Variants in PCDH12 observed in about 807,000 individuals in gnomAD.
The protein encoded by PCDH12 is protocadherin 12, also known as protocadherin-12.
PCDH12 carries 45 observed loss-of-function variants against 70.9 expected under a neutral mutation model. The observed-to-expected ratio is 0.63, with a 90% confidence interval of 0.50 to 0.81. The LOEUF (loss-of-function observed/expected upper bound fraction) is 0.81. Among genes scored for constraint, PCDH12 ranks in the 40% least tolerant of loss-of-function variants. The pLI is 0.00. For missense variants in PCDH12, 1,370 were observed against 1,491.7 expected (o/e 0.92, Z 1.34); for synonymous variants, 567 against 626.0 (o/e 0.91, Z 1.41).
In PCDH12 at chr5:141,943,623, C is replaced by T. The variant is rs1395856405; in HGVS notation, c.*1758G>A. The T allele has an allele frequency of 1.3e-5, 2 of 152,202 alleles. No homozygotes were observed. Among genetic ancestry groups the T allele is most frequent in the Non-Finnish European group, 2.9e-5 (2 of 68,042 alleles). The allele number at this position is 152,202 out of a possible 1,614,324, so 9.4% of individuals were successfully genotyped here. Reference sequence around the variant, plus strand: ...TGAAGCATTTATTGACACATTTATTCATTCATACATCCATTCAACAGCTAT... The same window carrying T: ...TGAAGCATTTATTGACACATTTATTTATTCATACATCCATTCAACAGCTAT... On this transcript the variant is annotated 3_prime_UTR_variant, in exon 4 of 4. Coordinates refer to ENST00000231484, the MANE Select transcript of PCDH12 (RefSeq NM_016580.4).
chr5:141,952,471 AG>A (rs1450501472), intron 1 of PCDH12: 1 of 152,250 alleles, frequency 6.6e-6, no homozygotes, highest in Non-Finnish European at 1.5e-5. Context: ...GGTCTGGGCA[AG>A]GGGTGGGGAG....
chr5:141,956,265 G>A lies in PCDH12; in HGVS notation c.1587C>T (p.Ala529=), dbSNP rs534866419. The stretch of plus-strand genomic sequence containing the variant: ...CTGCGATCACCTGGAACTCAAAGCC[G>A]GCCATCTCTTCATAGTTCAGTGACC... ...AQRSLNYEEM[A]GFEFQVIAED... Residue 529 remains alanine (A), a synonymous_variant, in exon 1 of 4, where the codon GCC becomes GCT. Transcript: ENST00000231484. 1.4e-5 allele frequency: 22 copies of A among 1,614,196 alleles called. No individual in the cohort carries two copies. Among genetic ancestry groups the A allele is most frequent in the East Asian group, 2.2e-5 (1 of 44,888 alleles).
In PCDH12 at chr5:141,957,106, A is replaced by G; in HGVS notation, c.746T>C (p.Leu249Pro). ...AGCATCTTCTTGGATTTCCAGTGCC[A>G]GTGAACTCTCAGCAAACGCAGGGCT... ...DNSPAFAESS[L>P]ALEIQEDAAP... is the part of the protein sequence containing the mutation. The change falls in exon 1 of 4, where the codon CTG (leucine) becomes CCG (proline). Residue 249 changes from leucine (L) to proline (P), a missense_variant. Leu to Pro is a moderately conservative substitution (Grantham distance 98). Transcript: ENST00000231484. The surrounding 1 kb of genome is among the most constrained non-coding windows in gnomAD (Gnocchi z 4.3). The G allele has an allele frequency of 1.9e-6, 3 of 1,614,176 alleles. No homozygotes were observed. Among genetic ancestry groups the G allele is most frequent in the Non-Finnish European group, 2.5e-6 (3 of 1,180,024 alleles).
Position 141,945,810 on chromosome 5 carries a change from G to C in PCDH12, c.3131-5C>G, listed in dbSNP as rs1039944487. On this transcript the variant is annotated splice_region_variant and splice_polypyrimidine_tract_variant and intron_variant, in intron 3 of 3. Transcript: ENST00000231484. ...TCAGCCGGTCCAGGGCCAGACCTGT[G>C]GGGGAAGGAGGGGACACAGTGAGGG... 1 of 1,607,450 alleles carries C rather than the reference G, an allele frequency of 6.2e-7. No individual in the cohort carries two copies. The highest frequency in any genetic ancestry group is 8.5e-7 in the Non-Finnish European group (1 of 1,176,930).
intron 3 of PCDH12, among the ~76,000 whole-genome samples, chr5:141,946,402 C>T (rs1284970386): frequency 6.6e-6 from 1 of 152,220 alleles, no homozygotes; most frequent in African/African-American, 2.4e-5. Flanking sequence ...GAAGTTAAGT[C>T]ACACATCTGC....
Position 141,955,847 on chromosome 5 carries a change from T to C in PCDH12, c.2005A>G (p.Ser669Gly), listed in dbSNP as rs746077489. Residue 669 changes from serine to glycine, a missense_variant, in exon 1 of 4, where the codon AGT becomes GGT. By Grantham distance (56) the Ser-to-Gly change is moderately conservative. Coordinates refer to ENST00000231484, the MANE Select transcript of PCDH12 (RefSeq NM_016580.4). The surrounding 1 kb of genome is among the most constrained non-coding windows in gnomAD (Gnocchi z 5.5). Reference protein sequence around the residue: ...NVTNASSLIGSEWELEIVVED... With the variant: ...NVTNASSLIGGEWELEIVVED... ...ACTACTATCTCCAGCTCCCACTCACTCCCAATGAGGCTGCTGGCATTGGTG... is the reference window on the plus strand; with the variant it reads ...ACTACTATCTCCAGCTCCCACTCACCCCCAATGAGGCTGCTGGCATTGGTG... 1.9e-6 allele frequency: 3 copies of C among 1,614,020 alleles called. No individual in the cohort carries two copies. The highest frequency in any genetic ancestry group is 2.2e-5 in the South Asian group (2 of 91,068).
intron 2 of PCDH12, among the ~76,000 whole-genome samples, chr5:141,950,944 G>T: frequency 6.6e-6 from 1 of 152,172 alleles, no homozygotes; most frequent in East Asian, 1.9e-4. Flanking sequence ...GGGAAACCAA[G>T]GTCCTGAGAG....
At position 141,957,402 on chromosome 5, in the gene PCDH12, C is replaced by T. The variant is rs139850255; in HGVS notation, c.450G>A (p.Leu150=). 428 of 1,613,268 alleles carry T rather than the reference C, an allele frequency of 2.7e-4. No individual in the cohort carries two copies. The highest frequency in any genetic ancestry group is 3.5e-4 in the Non-Finnish European group (408 of 1,179,684). ...QELEISESAS[L]RTRIPLDRAL... Reference sequence around the variant, plus strand: ...CTCTGTCCAGGGGGATCCGGGTTCGCAGAGAGGCGCTCTCAGAGATTTCCA... The same window carrying T: ...CTCTGTCCAGGGGGATCCGGGTTCGTAGAGAGGCGCTCTCAGAGATTTCCA... Residue 150 remains leucine (L), a synonymous_variant, in exon 1 of 4, where the codon CTG becomes CTA. Transcript: ENST00000231484. This position sits in a 1 kb window ranked among gnomAD's most constrained non-coding sequence, Gnocchi z 4.3.
chr5:141,953,813 C>T (rs1753129455), intron 1 of PCDH12, among the ~76,000 whole-genome samples: 1 of 152,222 alleles, frequency 6.6e-6, no homozygotes, highest in South Asian at 2.1e-4. Flanking sequence ...GGGCCATCTC[C>T]AGGTGGCTTC....
At chr5:141,951,128 A>G (rs1753072481) in intron 2 of PCDH12, among the ~76,000 whole-genome samples, 2 of 152,180 alleles carry the variant, frequency 1.3e-5, no homozygotes, top group South Asian at 4.1e-4. Flanking sequence ...GAGCCTTCAT[A>G]TTATGTTTAT....
chr5:141,955,406 AG>A lies in PCDH12; in HGVS notation c.2445del (p.Phe816SerfsTer48). ...EAGWDPCLQA[P>X]FHLTPTLYRT... is the part of the protein sequence containing the mutation. ...CTGTACAGGGTCGGGGTGAGGTGGA[AG>A]GGGGCCTGCAGGCAGGGGTCCCAGC... On this transcript the variant is annotated frameshift_variant, in exon 1 of 4. Transcript: ENST00000231484. LOFTEE classifies it high-confidence loss of function. This position sits in a 1 kb window ranked among gnomAD's most constrained non-coding sequence, Gnocchi z 5.5. 6.2e-7 allele frequency: 1 copy of A among 1,613,900 alleles called. No homozygotes were observed.
Position 141,955,815 on chromosome 5 carries a change from G to C in PCDH12, c.2037C>G (p.Asp679Glu). ...GGGTCTGTAAGGGGGGGCTTCCCTG[G>C]TCCTCTACTACTATCTCCAGCTCCC... ...SEWELEIVVEDQGSPPLQTRA... is the reference protein window; with the variant it reads ...SEWELEIVVEEQGSPPLQTRA... The change falls in exon 1 of 4, where the codon GAC becomes GAG. Residue 679 changes from aspartate to glutamate, a missense_variant. Transcript: ENST00000231484. This position sits in a 1 kb window ranked among gnomAD's most constrained non-coding sequence, Gnocchi z 5.5. 1 of 1,613,916 alleles carries C rather than the reference G, an allele frequency of 6.2e-7. No individual in the cohort carries two copies. The highest frequency in any genetic ancestry group is 8.5e-7 in the Non-Finnish European group (1 of 1,179,938).
rs574704551 is a variant in PCDH12, at chr5:141,957,968, C to T, written c.-117G>A. 92 of 1,191,510 alleles carry T rather than the reference C, an allele frequency of 7.7e-5. No individual in the cohort carries two copies. Among genetic ancestry groups the T allele is most frequent in the Middle Eastern group, 7.6e-4 (3 of 3,956 alleles). The allele number at this position is 1,191,510 out of a possible 1,614,324, so 73.8% of individuals were successfully genotyped here. On this transcript the variant is annotated 5_prime_UTR_variant, in exon 1 of 4. Coordinates refer to ENST00000231484, the MANE Select transcript of PCDH12 (RefSeq NM_016580.4). This position sits in a 1 kb window ranked among gnomAD's most constrained non-coding sequence, Gnocchi z 4.3. The stretch of plus-strand genomic sequence containing the variant: ...CCCGTGCTCCTTCCCCCAGAGCTGC[C>T]GGCACAACCTTGTCCCATAGTTAGA...
chr5:141,946,315 TATTTC>T (rs1201972753), intron 3 of PCDH12, among the ~76,000 whole-genome samples: 1 of 152,202 alleles, frequency 6.6e-6, no homozygotes, highest in Non-Finnish European at 1.5e-5. Flanking sequence ...TTTACATAAT[TATTTC>T]ATTTAACTTC....
rs1451347398 is a variant in PCDH12 at position 141,955,102 on chromosome 5, T to C, written c.2750A>G (p.Asn917Ser). Reference protein sequence around the residue: ...SATLRRQRHLNGKVSPEKESG... With the variant: ...SATLRRQRHLSGKVSPEKESG... ...TTCTTTCTCAGGGGACACTTTGCCA[T>C]TGAGATGTCGCTGCCGTCTCAGGGT... The change falls in exon 1 of 4, where the codon AAT becomes AGT. Residue 917 changes from asparagine (N) to serine (S), a missense_variant. Physicochemically the swap from Asn to Ser is conservative, Grantham distance 46. Transcript: ENST00000231484. This position sits in a 1 kb window ranked among gnomAD's most constrained non-coding sequence, Gnocchi z 5.5. 1.9e-6 allele frequency: 3 copies of C among 1,614,060 alleles called. No homozygotes were observed. The highest frequency in any genetic ancestry group is 1.7e-6 in the Non-Finnish European group (2 of 1,180,046).
chr5:141,949,922 T>G (rs1753043148), intron 2 of PCDH12, among the ~76,000 whole-genome samples: 1 of 152,142 alleles, frequency 6.6e-6, no homozygotes, highest in South Asian at 2.1e-4. Flanking sequence ...TCGTTGCCCC[T>G]CCCATGTCTA....
Position 141,958,005 on chromosome 5 carries a change from C to G in PCDH12, c.-154G>C. ...GTCCCATAGTTAGATGATTATGAAA[C>G]AAGCAGGACCCCAAGGCAAGGCCAT... On this transcript the variant is annotated 5_prime_UTR_variant, in exon 1 of 4. Coordinates refer to ENST00000231484, the MANE Select transcript of PCDH12 (RefSeq NM_016580.4). 4.8e-6 allele frequency: 4 copies of G among 835,664 alleles called. No homozygotes were observed. Among genetic ancestry groups the G allele is most frequent in the Non-Finnish European group, 7.3e-6 (4 of 551,234 alleles). The allele number at this position is 835,664 out of a possible 1,614,324, so 51.8% of individuals were successfully genotyped here.
intron 1 of PCDH12, among the ~76,000 whole-genome samples, chr5:141,954,592 C>A (rs1037184927): frequency 2.0e-5 from 3 of 152,110 alleles, no homozygotes; most frequent in Non-Finnish European, 4.4e-5. Flanking sequence ...GGATTTGAAC[C>A]CAGGTAACCT....
chr5:141,945,834 G>A, intron 3 of PCDH12, 29 bp from the exon 4 acceptor site: 3 of 1,595,290 alleles, frequency 1.9e-6, no homozygotes, highest in South Asian at 1.1e-5. Flanking sequence ...ACACAGTGAG[G>A]GCCAGGCTCC....
Sources: gnomAD v4.1 joint callset for allele counts (sites outside exome capture counted in the v4.1 genomes callset) on GRCh38, gnomAD v4.1.1 for gene constraint, Gnocchi (gnomAD v3.1) non-coding constraint, MANE v1.5 for transcripts, NCBI Gene and HGNC (gene_info 2026-07-23, HGNC 2026-07-21) for gene names.